GAS6: variants seen among roughly 807,000 people sequenced by gnomAD.
The protein encoded by GAS6 is growth arrest specific 6.
In GAS6, 41 loss-of-function variants were observed where a neutral mutation model predicts 75.8. The observed-to-expected ratio is 0.54, with a 90% confidence interval of 0.42 to 0.70. GAS6 has a LOEUF of 0.70. GAS6 is among the 30% of genes least tolerant of loss of function. The probability of loss-of-function intolerance (pLI) is 0.00; values close to 1 mark genes in which losing one functional copy is unlikely to be tolerated. For synonymous variants in GAS6, 432 were observed against 412.6 expected (o/e 1.05, Z -0.57); for missense variants, 854 against 940.2 (o/e 0.91, Z 1.20).
chr13:113,837,981 G>T lies in GAS6; in HGVS notation c.589+88C>A. ...ATCCAGAACCACAGGAACCCAGCCA[G>T]CAGCAGCCGCTTGCAGAAGAGCAGA... On this transcript the variant is annotated intron_variant, in intron 6 of 14. Coordinates refer to ENST00000327773, the MANE Select transcript of GAS6 (RefSeq NM_000820.4). The surrounding 1 kb of genome is among the most constrained non-coding windows in gnomAD (Gnocchi z 5.1). 1 of 1,526,468 alleles carries T rather than the reference G, an allele frequency of 6.6e-7. No individual in the cohort carries two copies. The highest frequency in any genetic ancestry group is 8.9e-7 in the Non-Finnish European group (1 of 1,124,754). 94.6% of individuals were successfully genotyped at this position (1,526,468 alleles called of 1,614,324 possible). A position where few individuals can be genotyped will look rare whatever the true frequency, so the allele number is the denominator to read the frequency against.
At chr13:113,860,675 CAAGAT>C (rs900814620) in intron 2 of GAS6, among the ~76,000 whole-genome samples, 1 of 152,010 alleles carries the variant, frequency 6.6e-6, no homozygotes, top group African/African-American at 2.4e-5. Flanking sequence ...AAAAGGAAAA[CAAGAT>C]AAGGAGAAGG....
At chr13:113,850,454 G>A (rs1435982892) in intron 2 of GAS6, among the ~76,000 whole-genome samples, 3 of 152,186 alleles carry the variant, frequency 2.0e-5, no homozygotes, top group African/African-American at 7.2e-5. Context: ...ACAGGGGGAA[G>A]AAGCTGGGAT....
intron 4 of GAS6, chr13:113,843,049 G>A (rs1284841004): frequency 1.0e-5 from 4 of 391,462 alleles, no homozygotes; most frequent in African/African-American, 4.3e-5. Context: ...CCTGAGGGGT[G>A]GACAGTCAGC....
At chr13:113,821,737 C>T (rs2051461487) in intron 14 of GAS6, 1 of 540,454 alleles carries the variant, frequency 1.9e-6, no homozygotes, top group African/African-American at 1.9e-5. Flanking sequence ...CCAATGCCGG[C>T]CCCCGTACGT....
chr13:113,822,431 C>T, intron 13 of GAS6: 1 of 423,384 alleles, frequency 2.4e-6, no homozygotes, highest in South Asian at 5.4e-5. Context: ...ACAAGTGTGG[C>T]CCCCAGGTTG....
chr13:113,821,384 G>GTGTGTGCACGT, intron 14 of GAS6: 1 of 254,484 alleles, frequency 3.9e-6, no homozygotes, highest in South Asian at 8.3e-5. Context: ...GTCTGTGTCT[G>GTGTGTGCACGT]GCAGCCAAGA....
chr13:113,835,088 G>C (rs936629227), intron 7 of GAS6, among the ~76,000 whole-genome samples: 2 of 152,240 alleles, frequency 1.3e-5, no homozygotes, highest in African/African-American at 4.8e-5. Flanking sequence ...CTCTCTGTCT[G>C]CCTACTCAGC....
Position 113,844,281 on chromosome 13 carries a change from T to C in GAS6, c.343+2246A>G, listed in dbSNP as rs1317480471. On this transcript the variant is annotated intron_variant, in intron 4 of 14. Coordinates refer to ENST00000327773, the MANE Select transcript of GAS6 (RefSeq NM_000820.4). The surrounding 1 kb of genome is among the most constrained non-coding windows in gnomAD (Gnocchi z 5.7). ...CCCTCCTCTCCCCAGCTGGCCGCACTTGGGGACGCTGATGCCACAAAGGAA... is the reference window on the plus strand; with the variant it reads ...CCCTCCTCTCCCCAGCTGGCCGCACCTGGGGACGCTGATGCCACAAAGGAA... 6.6e-6 allele frequency: 1 copy of C among 150,816 alleles called. No individual in the cohort carries two copies. Among genetic ancestry groups the C allele is most frequent in the Non-Finnish European group, 1.5e-5 (1 of 68,038 alleles). The allele number at this position is 150,816 out of a possible 1,614,324, so 9.3% of individuals were successfully genotyped here. A position where few individuals can be genotyped will look rare whatever the true frequency, so the allele number is the denominator to read the frequency against.
chr13:113,834,683 G>A lies in GAS6; in HGVS notation c.713-11C>T. The stretch of plus-strand genomic sequence containing the variant: ...GACACTCGTCCACATCTGCCAGCCA[G>A]AGGGAAGCGGCGGTGAGCCGGGGAG... On this transcript the variant is annotated splice_polypyrimidine_tract_variant and intron_variant, in intron 7 of 14. Transcript: ENST00000327773. The A allele has an allele frequency of 1.3e-6, 2 of 1,540,668 alleles. No individual in the cohort carries two copies. The highest frequency in any genetic ancestry group is 1.8e-6 in the Non-Finnish European group (2 of 1,140,210).
At chr13:113,825,837 G>A (rs1041688138) in intron 12 of GAS6, among the ~76,000 whole-genome samples, 1 of 152,148 alleles carries the variant, frequency 6.6e-6, no homozygotes, top group Non-Finnish European at 1.5e-5. Context: ...CGGTGACACT[G>A]GATCTGGCTC....
intron 2 of GAS6, among the ~76,000 whole-genome samples, chr13:113,851,929 T>G (rs2051879469): frequency 6.6e-6 from 1 of 152,230 alleles, no homozygotes; most frequent in African/African-American, 2.4e-5. Context: ...CTCTTCTAGG[T>G]GGCAAGCGTG....
chr13:113,822,551 G>A (rs1025025711), intron 13 of GAS6: 13 of 204,230 alleles, frequency 6.4e-5, no homozygotes, highest in African/African-American at 2.8e-4. Context: ...CCAGCCCTGC[G>A]GTGGCGGCCT....
intron 11 of GAS6, among the ~76,000 whole-genome samples, chr13:113,827,529 G>A (rs2051565835): frequency 6.6e-6 from 1 of 152,202 alleles, no homozygotes; most frequent in Non-Finnish European, 1.5e-5. Context: ...CCCCTTATCT[G>A]TGAAACGAGG....
At chr13:113,822,385 G>A (rs974380241) in intron 13 of GAS6, 199 bp from the exon 14 acceptor site, 11 of 487,168 alleles carry the variant, frequency 2.3e-5, no homozygotes, top group African/African-American at 1.4e-4. Context: ...TTCTCTGCAC[G>A]TAAAGCCAGG....
intron 2 of GAS6, among the ~76,000 whole-genome samples, chr13:113,851,467 G>A (rs752909993): frequency 6.6e-6 from 1 of 151,560 alleles, no homozygotes; most frequent in African/African-American, 2.4e-5. Context: ...GAATGAGAGT[G>A]AGTAGATAGA....
intron 4 of GAS6, among the ~76,000 whole-genome samples, chr13:113,846,221 A>G (rs1429840404): frequency 2.0e-5 from 3 of 152,256 alleles, no homozygotes; most frequent in African/African-American, 7.2e-5. Flanking sequence ...ATGTCTAAGC[A>G]CAAGATTCTT....
intron 10 of GAS6, among the ~76,000 whole-genome samples, chr13:113,830,080 T>C (rs1425024800): frequency 6.6e-6 from 1 of 152,268 alleles, no homozygotes; most frequent in Non-Finnish European, 1.5e-5. Context: ...CACCAAAACC[T>C]TTCCTCATAG....
At chr13:113,842,330 A>G (rs2051794608) in intron 4 of GAS6, 1 of 359,890 alleles carries the variant, frequency 2.8e-6, no homozygotes, top group East Asian at 4.0e-5. Flanking sequence ...CTAAGATGCT[A>G]TTTTCAGCAG....
chr13:113,834,410 C>G (rs76285406), intron 8 of GAS6, 141 bp downstream of exon 8: 20,587 of 910,872 alleles, frequency 0.023, 282 homozygotes, highest in Non-Finnish European at 0.027. Context: ...CGTTTCTCAT[C>G]CCAAACCTCC....
Sources: allele counts gnomAD v4.1 joint callset (sites outside exome capture counted in the v4.1 genomes callset), GRCh38; gene constraint gnomAD v4.1.1; non-coding constraint Gnocchi (gnomAD v3.1); transcripts MANE v1.5; gene names NCBI Gene and HGNC (gene_info 2026-07-23, HGNC 2026-07-21).